LMLN: variants seen among roughly 807,000 people sequenced by gnomAD.
LMLN encodes the protein leishmanolysin like peptidase.
LMLN carries 70 observed loss-of-function variants against 92.3 expected under a neutral mutation model. The ratio of observed to expected loss-of-function variants is 0.76; its 90% CI spans 0.63 to 0.92. The LOEUF (loss-of-function observed/expected upper bound fraction) is 0.92, where lower values mean the gene tolerates loss of function less well. LMLN is among the 40% of genes least tolerant of loss of function. LMLN has a pLI of 0.00. For missense variants in LMLN, 691 were observed against 814.6 expected, an observed-to-expected ratio of 0.85 and a Z score of 1.85; for synonymous variants, 308 against 296.2, an observed-to-expected ratio of 1.04 and a Z score of -0.41.
chr3:197,972,287 C>G (rs1381016004), intron 1 of LMLN, among the ~76,000 whole-genome samples: 1 of 152,102 alleles, frequency 6.6e-6, no homozygotes, highest in African/African-American at 2.4e-5. Context: ...TGGTCTGGAA[C>G]TCCTGACCTC....
At chr3:198,026,759 T>C (rs1722944114) in intron 14 of LMLN, among the ~76,000 whole-genome samples, 1 of 152,210 alleles carries the variant, frequency 6.6e-6, no homozygotes, top group Non-Finnish European at 1.5e-5. Flanking sequence ...ATTATACTGT[T>C]GATTGCTTTT....
At chr3:197,968,210 T>C (rs1721115004) in intron 1 of LMLN, among the ~76,000 whole-genome samples, 1 of 152,162 alleles carries the variant, frequency 6.6e-6, no homozygotes. Flanking sequence ...CTTATGCCTG[T>C]AATCCCAGCA....
chr3:197,986,777 C>T (rs142595996), intron 8 of LMLN, among the ~76,000 whole-genome samples: 1 of 151,710 alleles, frequency 6.6e-6, no homozygotes, highest in African/African-American at 2.4e-5. Flanking sequence ...TCTAGGTGAG[C>T]TGGTTGATTA....
At chr3:198,026,428 G>A (rs1486451722) in intron 14 of LMLN, among the ~76,000 whole-genome samples, 3 of 151,678 alleles carry the variant, frequency 2.0e-5, no homozygotes, top group African/African-American at 7.3e-5. Context: ...AGAGATTCTT[G>A]TGCCTCAGCC....
At chr3:197,983,445 G>A (rs558036234) in intron 6 of LMLN, among the ~76,000 whole-genome samples, 19 of 152,200 alleles carry the variant, frequency 1.2e-4, no homozygotes, top group Admixed American at 2.6e-4. Flanking sequence ...ATGATGGGAT[G>A]GTAGAAATAT....
At chr3:197,998,848 C>G (rs1343657226) in intron 10 of LMLN, among the ~76,000 whole-genome samples, 2 of 152,212 alleles carry the variant, frequency 1.3e-5, no homozygotes, top group Admixed American at 6.5e-5. Context: ...TCTGTGATCA[C>G]AGAGTTGAAG....
chr3:197,965,525 G>A (rs1721033923), intron 1 of LMLN, among the ~76,000 whole-genome samples: 1 of 152,074 alleles, frequency 6.6e-6, no homozygotes, highest in Non-Finnish European at 1.5e-5. Flanking sequence ...ATAGACATGA[G>A]TCACTGTACC....
intron 11 of LMLN, among the ~76,000 whole-genome samples, chr3:198,013,868 G>C (rs1257429721): frequency 1.5e-5 from 2 of 129,298 alleles, no homozygotes; most frequent in African/African-American, 3.3e-5. Context: ...TGACTTCTCT[G>C]TACCCTTCAG....
At chr3:197,998,410 G>T (rs1722084746) in intron 10 of LMLN, among the ~76,000 whole-genome samples, 1 of 152,270 alleles carries the variant, frequency 6.6e-6, no homozygotes, top group East Asian at 1.9e-4. Context: ...CCTCCCATGG[G>T]AAGTGTGGTT....
intron 11 of LMLN, among the ~76,000 whole-genome samples, chr3:198,011,672 A>C (rs1722445524): frequency 6.6e-6 from 1 of 151,352 alleles, no homozygotes; most frequent in Admixed American, 6.6e-5. Context: ...TGGTATTTCT[A>C]GTTCTAGATC....
intron 5 of LMLN, among the ~76,000 whole-genome samples, chr3:197,977,015 G>T (rs1364330983): frequency 6.6e-6 from 1 of 152,144 alleles, no homozygotes; most frequent in Non-Finnish European, 1.5e-5. Flanking sequence ...ATATATCTCA[G>T]TTTGTTAAAG....
intron 1 of LMLN, among the ~76,000 whole-genome samples, chr3:197,969,456 A>C (rs920849732): frequency 1.3e-5 from 2 of 152,172 alleles, no homozygotes; most frequent in East Asian, 1.9e-4. Flanking sequence ...AATTTTCTCT[A>C]CTAACTAAGG....
chr3:198,019,490 T>G lies in LMLN; in HGVS notation c.1365+105T>G. On this transcript the variant is annotated intron_variant, in intron 12 of 15. Coordinates refer to ENST00000330198, the Ensembl canonical transcript of LMLN. This position sits in a 1 kb window ranked among gnomAD's most constrained non-coding sequence, Gnocchi z 5.5. Reference sequence around the variant, plus strand: ...TTAAGATTCTTAATTTATAAGGCCTTGTTTGTTTTCTGTAAGTTAGAAAAA... The same window carrying G: ...TTAAGATTCTTAATTTATAAGGCCTGGTTTGTTTTCTGTAAGTTAGAAAAA... 2 of 1,137,994 alleles carry G rather than the reference T, an allele frequency of 1.8e-6. No individual in the cohort carries two copies. The highest frequency in any genetic ancestry group is 2.4e-6 in the Non-Finnish European group (2 of 823,296). The allele number at this position is 1,137,994 out of a possible 1,614,324, so 70.5% of individuals were successfully genotyped here.
At chr3:197,999,269 G>A (rs2109898537) in exon 11 of LMLN, 1 of 1,612,402 alleles carries the variant, frequency 6.2e-7, no homozygotes, top group Non-Finnish European at 8.5e-7. Flanking sequence ...TTTTCAGAAT[G>A]AAGCGATGAC....
chr3:198,033,758 G>A (rs1723139033), intron 14 of LMLN, among the ~76,000 whole-genome samples: 1 of 152,184 alleles, frequency 6.6e-6, no homozygotes, highest in Non-Finnish European at 1.5e-5. Context: ...TAGAGGGCAG[G>A]CACTGTATTG....
chr3:197,980,368 G>A (rs1721521630), exon 6 of LMLN: 1 of 1,614,152 alleles, frequency 6.2e-7, no homozygotes. Context: ...TCATGGAGCA[G>A]TGGGTGTGCC....
At chr3:197,971,104 C>T (rs1414386079) in intron 1 of LMLN, among the ~76,000 whole-genome samples, 1 of 152,056 alleles carries the variant, frequency 6.6e-6, no homozygotes, top group African/African-American at 2.4e-5. Flanking sequence ...CTTTATTGTT[C>T]TTCACAGAAA....
intron 8 of LMLN, among the ~76,000 whole-genome samples, chr3:197,989,887 T>G (rs928098480): frequency 6.6e-6 from 1 of 151,750 alleles, no homozygotes; most frequent in Non-Finnish European, 1.5e-5. Flanking sequence ...TTGAAAAAAA[T>G]TTTTCTGGAC....
chr3:198,010,011 T>C (rs1407047308), intron 11 of LMLN, among the ~76,000 whole-genome samples: 1 of 152,188 alleles, frequency 6.6e-6, no homozygotes, highest in African/African-American at 2.4e-5. Flanking sequence ...TTTCTAGAGG[T>C]TTGCCAATTT....
Sources: allele counts gnomAD v4.1 joint callset (sites outside exome capture counted in the v4.1 genomes callset), GRCh38; gene constraint gnomAD v4.1.1; non-coding constraint Gnocchi (gnomAD v3.1); transcripts MANE v1.5; gene names NCBI Gene and HGNC (gene_info 2026-07-23, HGNC 2026-07-21).